The following RALYL variants were observed in gnomAD, a reference collection of about 807,000 sequenced individuals.
RALYL encodes the protein RNA-binding Raly-like protein.
Under a neutral mutation model 35.1 loss-of-function variants are expected in RALYL, and 29 were observed. The ratio of observed to expected loss-of-function variants is 0.83; its 90% CI spans 0.61 to 1.13. The LOEUF (loss-of-function observed/expected upper bound fraction) is 1.13. Ranked by LOEUF, RALYL falls within the 50% of genes most tolerant of loss-of-function variation. RALYL has a pLI of 0.00. For missense variants in RALYL, 359 were observed against 360.4 expected, an observed-to-expected ratio of 1.00 and a Z score of 0.03; for synonymous variants, 120 against 127.6, an observed-to-expected ratio of 0.94 and a Z score of 0.40.
chr8:84,774,631 G>A lies in RALYL; in HGVS notation c.309G>A (p.Lys103=), dbSNP rs2133591933. 6.2e-7 allele frequency: 1 copy of A among 1,609,484 alleles called. No individual in the cohort carries two copies. The highest frequency in any genetic ancestry group is 2.2e-5 in the East Asian group (1 of 44,728). ...CATACAGACCAAAACCTGGAAACAA[G>A]AGGCCCCTTTCTGCACTTTACAGGT... ...PKPYRPKPGN[K]RPLSALYRLE... The change falls in exon 3 of 9, where the codon AAG becomes AAA. Residue 103 remains lysine (K), a synonymous_variant. Transcript: ENST00000521268.
At chr8:84,836,356 AT>A (rs1563710261) in intron 4 of RALYL, among the ~76,000 whole-genome samples, 1 of 152,110 alleles carries the variant, frequency 6.6e-6, no homozygotes, top group Non-Finnish European at 1.5e-5. Flanking sequence ...CTTCTTAGCC[AT>A]TTTCTCTTCC....
At chr8:84,233,990 T>C (rs1384606263) in intron 1 of RALYL, among the ~76,000 whole-genome samples, 2 of 152,238 alleles carry the variant, frequency 1.3e-5, no homozygotes, top group African/African-American at 2.4e-5. Flanking sequence ...GTCTCATTTG[T>C]CTGTAGTATC....
rs567974800 is a variant in RALYL, at chr8:84,249,854, T to C, written c.-24+65430T>C. ...AATAATAGTACCTGGAGTTAATGTA[T>C]TGTTAATTTTGAGTTCAAAGGTTTT... On this transcript the variant is annotated intron_variant, in intron 1 of 8. Transcript: ENST00000521268. 2.0e-3 allele frequency among the ~76,000 whole-genome samples: 281 copies of C among 142,060 alleles called. 2 individuals are homozygous for C. Among genetic ancestry groups the C allele is most frequent in the African/African-American group, 7.0e-3 (271 of 38,472 alleles). The allele number at this position is 142,060 out of a possible 152,430, so 93.2% of individuals were successfully genotyped here.
chr8:84,444,449 A>G (rs974862478), intron 1 of RALYL, among the ~76,000 whole-genome samples: 7 of 152,138 alleles, frequency 4.6e-5, no homozygotes, highest in Non-Finnish European at 1.0e-4. Flanking sequence ...AAAAAACAAC[A>G]GGTTGTTTGA....
chr8:84,789,289 GAT>G (rs1478715478), intron 3 of RALYL, among the ~76,000 whole-genome samples: 2 of 152,164 alleles, frequency 1.3e-5, no homozygotes, highest in Non-Finnish European at 2.9e-5. Context: ...ACAAATTACA[GAT>G]AATCAAGAGT....
chr8:84,198,181 A>G (rs977741263), intron 1 of RALYL, among the ~76,000 whole-genome samples: 14 of 152,170 alleles, frequency 9.2e-5, no homozygotes, highest in Non-Finnish European at 1.9e-4. Flanking sequence ...GGAAAACATA[A>G]TTTCTCCAGC....
chr8:84,896,338 C>G (rs1273035546), intron 8 of RALYL, among the ~76,000 whole-genome samples: 6 of 152,170 alleles, frequency 3.9e-5, no homozygotes, highest in African/African-American at 1.4e-4. Flanking sequence ...ACCATGAGTT[C>G]TACTATAGAG....
chr8:84,866,366 A>C lies in RALYL; in HGVS notation c.571+3913A>C, dbSNP rs950383676. ...TCTACCTGGAAATTGAAAATAATAT[A>C]CTGTGTATCCAATAGTTATTGTAAG... On this transcript the variant is annotated intron_variant, in intron 6 of 8. Transcript: ENST00000521268. Among the ~76,000 whole-genome samples, 9 of 152,286 alleles carry C rather than the reference A, an allele frequency of 5.9e-5. 1 individual carries two copies. Among genetic ancestry groups the C allele is most frequent in the Admixed American group, 5.9e-4 (9 of 15,290 alleles).
At chr8:84,404,102 C>A (rs2043211794) in intron 1 of RALYL, among the ~76,000 whole-genome samples, 1 of 152,042 alleles carries the variant, frequency 6.6e-6, no homozygotes, top group Admixed American at 6.6e-5. Flanking sequence ...TCTAAATATA[C>A]AAACATGTCA....
Position 84,890,566 on chromosome 8 carries a change from G to A in RALYL, c.858+2790G>A, listed in dbSNP as rs192709129. Among the ~76,000 whole-genome samples the A allele has an allele frequency of 1.8e-4, 27 of 152,246 alleles. 1 individual carries two copies. In the East Asian group the frequency reaches 4.0e-3, roughly 23 times the overall value. On this transcript the variant is annotated intron_variant, in intron 8 of 8. Coordinates refer to ENST00000521268, the MANE Select transcript of RALYL (RefSeq NM_173848.7). ...ACTACTTAGAGAACTTTGTAAAAACGCAGATTCTTGTGTCCCATTCTGAGA... is the reference window on the plus strand; with the variant it reads ...ACTACTTAGAGAACTTTGTAAAAACACAGATTCTTGTGTCCCATTCTGAGA...
intron 2 of RALYL, among the ~76,000 whole-genome samples, chr8:84,641,932 C>T (rs944732671): frequency 6.6e-6 from 1 of 151,764 alleles, no homozygotes; most frequent in Admixed American, 6.6e-5. Context: ...CAAATGTATG[C>T]CCATGCTTCC....
intron 1 of RALYL, among the ~76,000 whole-genome samples, chr8:84,476,373 T>C (rs1218432660): frequency 6.6e-6 from 1 of 152,182 alleles, no homozygotes; most frequent in Admixed American, 6.5e-5. Flanking sequence ...CCATACACAA[T>C]GCTTTGACTC....
intron 1 of RALYL, among the ~76,000 whole-genome samples, chr8:84,330,755 A>G (rs1303268066): frequency 3.3e-5 from 5 of 152,058 alleles, no homozygotes; most frequent in Non-Finnish European, 5.9e-5. Context: ...CTTCAATCAT[A>G]CTTTTTCAAA....
chr8:84,439,681 C>G (rs958810288), intron 1 of RALYL, among the ~76,000 whole-genome samples: 3 of 151,988 alleles, frequency 2.0e-5, no homozygotes, highest in African/African-American at 4.8e-5. Context: ...TTTTGCTCAT[C>G]ATTTCTATTG....
intron 4 of RALYL, among the ~76,000 whole-genome samples, chr8:84,838,988 T>C (rs1053089612): frequency 1.3e-5 from 2 of 152,118 alleles, no homozygotes; most frequent in African/African-American, 4.8e-5. Flanking sequence ...GGGCGGCAGG[T>C]GGGGCCAAGA....
chr8:84,541,172 A>G (rs556856931), intron 2 of RALYL, among the ~76,000 whole-genome samples: 1 of 151,776 alleles, frequency 6.6e-6, no homozygotes, highest in Non-Finnish European at 1.5e-5. Flanking sequence ...TCTTTTCCTA[A>G]CTTCATGAAT....
intron 2 of RALYL, among the ~76,000 whole-genome samples, chr8:84,548,671 C>A (rs1225495069): frequency 1.3e-5 from 2 of 152,168 alleles, no homozygotes; most frequent in Admixed American, 6.6e-5. Flanking sequence ...AGCTTTAAAT[C>A]ATTAGAATTC....
intron 2 of RALYL, among the ~76,000 whole-genome samples, chr8:84,718,675 G>A (rs948804779): frequency 6.6e-6 from 1 of 151,834 alleles, no homozygotes; most frequent in Non-Finnish European, 1.5e-5. Context: ...TGAGGCAGGA[G>A]AATCACTTGA....
chr8:84,402,317 C>T (rs1051906348), intron 1 of RALYL, among the ~76,000 whole-genome samples: 14 of 152,132 alleles, frequency 9.2e-5, no homozygotes, highest in African/African-American at 3.1e-4. Flanking sequence ...AGTTAATTCA[C>T]TATAAGAACT....
Sources: gnomAD v4.1 joint callset for allele counts (sites outside exome capture counted in the v4.1 genomes callset) on GRCh38, gnomAD v4.1.1 for gene constraint, MANE v1.5 for transcripts, NCBI Gene and HGNC (gene_info 2026-07-23, HGNC 2026-07-21) for gene names.